The following DMD variants were observed in gnomAD, a reference collection of about 807,000 sequenced individuals.
DMD encodes dystrophin.
In DMD, 63 loss-of-function variants were observed where a neutral mutation model predicts 330.1. The ratio of observed to expected loss-of-function variants is 0.19; its 90% CI spans 0.16 to 0.24. The LOEUF (loss-of-function observed/expected upper bound fraction) is 0.24, where lower values mean the gene tolerates loss of function less well. Ranked by LOEUF, DMD falls within the 10% of genes least tolerant of loss-of-function variation. The pLI, the probability that DMD is intolerant of heterozygous loss-of-function variation, is 1.00. For synonymous variants in DMD, 1,223 were observed against 959.8 expected (o/e 1.27, Z -5.07); for missense variants, 3,344 against 2,684.1 (o/e 1.25, Z -5.43).
intron 7 of DMD, among the ~76,000 whole-genome samples, chrX:32,713,536 C>A (rs2065389670): frequency 8.9e-6 from 1 of 111,919 alleles, no homozygotes; most frequent in Admixed American, 9.5e-5. Context: ...CCTTTCCTTT[C>A]AGCTACTATA....
At chrX:33,304,307 C>A (rs2053717927) in intron 1 of DMD, among the ~76,000 whole-genome samples, 1 of 110,780 alleles carries the variant, frequency 9.0e-6, no homozygotes, top group African/African-American at 3.3e-5. Context: ...GAAAAACAAG[C>A]AATGGGGAAA....
chrX:32,196,081 A>G (rs186710853), intron 44 of DMD, among the ~76,000 whole-genome samples: 7 of 112,409 alleles, frequency 6.2e-5, no homozygotes, highest in South Asian at 3.7e-4. Flanking sequence ...GTATTCCATG[A>G]AATCATCAGG....
At chrX:31,561,140 C>T (rs933787944) in intron 55 of DMD, among the ~76,000 whole-genome samples, 1 of 111,793 alleles carries the variant, frequency 8.9e-6, no homozygotes, top group Non-Finnish European at 1.9e-5. Flanking sequence ...GCTAATTATA[C>T]AAAACTTTTG....
intron 60 of DMD, among the ~76,000 whole-genome samples, chrX:31,351,974 T>G (rs530307383): frequency 9.0e-6 from 1 of 110,544 alleles, no homozygotes; most frequent in Non-Finnish European, 1.9e-5. Context: ...AGTTAGTAAA[T>G]TGGCAGAGCT....
intron 43 of DMD, among the ~76,000 whole-genome samples, chrX:32,274,922 C>T (rs1165855001): frequency 8.9e-6 from 1 of 111,957 alleles, no homozygotes; most frequent in Admixed American, 9.5e-5. Context: ...CAGTTTAAAG[C>T]TTTGCCTCTG....
At chrX:32,109,592 T>A (rs746887617) in intron 44 of DMD, among the ~76,000 whole-genome samples, 1 of 79,765 alleles carries the variant, frequency 1.3e-5, no homozygotes, top group South Asian at 8.7e-4. Flanking sequence ...GAAAAGACAT[T>A]GTACAGATAC....
intron 44 of DMD, among the ~76,000 whole-genome samples, chrX:32,022,047 G>A (rs1200871487): frequency 2.7e-5 from 3 of 111,909 alleles, no homozygotes; most frequent in African/African-American, 9.7e-5. Flanking sequence ...TTCTAAGTAA[G>A]TCATTTTTTT....
chrX:33,156,008 A>T (rs1320898890), intron 1 of DMD, among the ~76,000 whole-genome samples: 1 of 111,802 alleles, frequency 8.9e-6, no homozygotes, highest in African/African-American at 3.2e-5. Flanking sequence ...CCTCTCAGTA[A>T]CATTAATTAA....
intron 62 of DMD, among the ~76,000 whole-genome samples, chrX:31,291,086 AAATT>A (rs1473414641): frequency 8.9e-6 from 1 of 112,335 alleles, no homozygotes; most frequent in African/African-American, 3.2e-5. Context: ...ATTTAAGTGT[AAATT>A]AAATAAATGT....
intron 47 of DMD, among the ~76,000 whole-genome samples, chrX:31,895,041 C>T (rs1441793719): frequency 9.0e-6 from 1 of 111,534 alleles, no homozygotes; most frequent in East Asian, 2.8e-4. Flanking sequence ...AATCATCCCT[C>T]CCTTCTATGA....
rs200915684 is a variant in DMD at position 31,928,442 on chromosome X, T to TA, written c.6912+1153dup. Among the ~76,000 whole-genome samples the TA allele has an allele frequency of 6.5e-3, 722 of 110,889 alleles. 18 individuals are homozygous for TA. In the East Asian group the frequency reaches 0.1, roughly 15 times the overall value. On this transcript the variant is annotated intron_variant, in intron 47 of 78. Coordinates refer to ENST00000357033, the MANE Select transcript of DMD (RefSeq NM_004006.3). ...CAACATGGCAAAACCCCATCTCTACTAAAAATACAAAAACTTAGCTGGGCA... is the reference window on the plus strand; with the variant it reads ...CAACATGGCAAAACCCCATCTCTACTAAAAAATACAAAAACTTAGCTGGGCA...
chrX:31,204,557 A>G (rs1471277321), intron 66 of DMD, among the ~76,000 whole-genome samples: 1 of 112,589 alleles, frequency 8.9e-6, no homozygotes, highest in Non-Finnish European at 1.9e-5. Context: ...TTATGGAGTC[A>G]TAAGATCACT....
Position 31,875,306 on chromosome X carries a change from T to C in DMD, c.6980A>G (p.Glu2327Gly). 1.7e-6 allele frequency: 2 copies of C among 1,209,759 alleles called. No homozygotes were observed. Among genetic ancestry groups the C allele is most frequent in the Non-Finnish European group, 2.2e-6 (2 of 894,217 alleles). Residue 2327 changes from glutamate to glycine, a missense_variant, in exon 48 of 79, where the codon GAA (glutamate) becomes GGA (glycine). Coordinates refer to ENST00000357033, the MANE Select transcript of DMD (RefSeq NM_004006.3). ...EAQIKDLGQL[E>G]KKLEDLEEQL... ...CTCTTCAAGGTCTTCAAGCTTTTTTTCAAGCTGCCCAAGGTCTTTTATTTG... is the reference window on the plus strand; with the variant it reads ...CTCTTCAAGGTCTTCAAGCTTTTTTCCAAGCTGCCCAAGGTCTTTTATTTG...
At chrX:33,010,615 G>A (rs1255155658) in intron 2 of DMD, among the ~76,000 whole-genome samples, 2 of 110,898 alleles carry the variant, frequency 1.8e-5, no homozygotes, top group African/African-American at 6.5e-5. Context: ...CGTTTTGGAC[G>A]AAGAATGCTC....
intron 37 of DMD, among the ~76,000 whole-genome samples, chrX:32,358,037 C>T (rs1025867836): frequency 3.4e-4 from 38 of 110,171 alleles, no homozygotes; most frequent in African/African-American, 1.2e-3. Flanking sequence ...TTGAATCCAT[C>T]GTATTTTACC....
At chrX:32,027,379 T>A (rs2095854510) in intron 44 of DMD, among the ~76,000 whole-genome samples, 2 of 111,711 alleles carry the variant, frequency 1.8e-5, no homozygotes, top group African/African-American at 6.5e-5. Context: ...GAAAAAAAGC[T>A]TGGTGTAAAG....
At chrX:31,266,159 CAAAAAAAAAAAAA>C (rs1174153877) in intron 62 of DMD, among the ~76,000 whole-genome samples, 2 of 13,335 alleles carry the variant, frequency 1.5e-4, no homozygotes, top group Non-Finnish European at 2.4e-4. Context: ...TCCCGAAGGG[CAAAAAAAAAAAAA>C]AAAAAAAAAA....
intron 1 of DMD, among the ~76,000 whole-genome samples, chrX:33,200,804 A>C (rs2051216777): frequency 9.0e-6 from 1 of 110,688 alleles, no homozygotes; most frequent in African/African-American, 3.3e-5. Flanking sequence ...CCTTACAGTT[A>C]AGAAGATGCA....
At position 31,121,524 on chromosome X, in the gene DMD, C is replaced by CTTTCT. The variant is rs1254677859; in HGVS notation, c.*390_*394dup. The CTTTCT allele has an allele frequency of 4.9e-5, 10 of 203,866 alleles. No homozygotes were observed. Among genetic ancestry groups the CTTTCT allele is most frequent in the African/African-American group, 3.0e-4 (10 of 33,205 alleles). The allele number at this position is 203,866 out of a possible 1,213,427, so 16.8% of individuals were successfully genotyped here. A position where few individuals can be genotyped will look rare whatever the true frequency, so the allele number is the denominator to read the frequency against. ...TATAAAGCACACTTTAGTTTACAAT[C>CTTTCT]TTTCTTTATAACTGTTATAAATTTT... On this transcript the variant is annotated 3_prime_UTR_variant, in exon 79 of 79. Coordinates refer to ENST00000357033, the MANE Select transcript of DMD (RefSeq NM_004006.3).
Sources: allele counts gnomAD v4.1 joint callset (sites outside exome capture counted in the v4.1 genomes callset), GRCh38; gene constraint gnomAD v4.1.1; transcripts MANE v1.5; gene names NCBI Gene and HGNC (gene_info 2026-07-23, HGNC 2026-07-21).